The following LRRC9 variants were observed in gnomAD, a reference collection of about 807,000 sequenced individuals.
LRRC9 encodes the protein leucine rich repeat containing 9, also known as leucine-rich repeat-containing protein 9.
LRRC9 carries 122 observed loss-of-function variants against 63.2 expected under a neutral mutation model. That is an observed-to-expected ratio of 1.93 (90% CI 1.67 to 2.24). The LOEUF (loss-of-function observed/expected upper bound fraction) is 2.24, where lower values mean the gene tolerates loss of function less well. LRRC9 is among the 30% of genes most tolerant of loss of function. The probability of loss-of-function intolerance (pLI) is 0.00; values close to 1 mark genes in which losing one functional copy is unlikely to be tolerated. For missense variants in LRRC9, 1,071 were observed against 627.7 expected, an observed-to-expected ratio of 1.71 and a Z score of -7.55; for synonymous variants, 366 against 213.1, an observed-to-expected ratio of 1.72 and a Z score of -6.25.
At chr14:60,000,012 A>ATT (rs1889195951) in intron 19 of LRRC9, among the ~76,000 whole-genome samples, 1 of 152,148 alleles carries the variant, frequency 6.6e-6, no homozygotes, top group African/African-American at 2.4e-5. Context: ...TTGCAGCACT[A>ATT]TTCACAATAG....
rs1401776917 is a variant in LRRC9 at position 59,985,205 on chromosome 14, T to A, written c.2192T>A (p.Leu731Ter). The change falls in exon 17 of 32, where the codon TTA (leucine) becomes TAA (stop). Residue 731 changes from leucine (L) to a stop codon, truncating the protein, a stop_gained. Transcript: ENST00000445360. LOFTEE classifies it high-confidence loss of function. ...ATTAGCTTTAATGAATTTACCTGTTTAGATGATGTATACCACTTGGTAAGA... is the reference window on the plus strand; with the variant it reads ...ATTAGCTTTAATGAATTTACCTGTTAAGATGATGTATACCACTTGGTAAGA... The A allele has an allele frequency of 1.5e-6, 1 of 682,414 alleles. No homozygotes were observed. Among genetic ancestry groups the A allele is most frequent in the Admixed American group, 2.1e-5 (1 of 47,808 alleles). 42.3% of individuals were successfully genotyped at this position (682,414 alleles called of 1,614,324 possible).
rs1456838454 is a variant in LRRC9, at chr14:59,964,027, A to T, written c.1212-2562A>T. ...TAGTCATTGATATATATCATTGTGA[A>T]TGTTTATACCTTCAAGTACCACTGA... On this transcript the variant is annotated intron_variant, in intron 10 of 31. Coordinates refer to ENST00000445360, the Ensembl canonical transcript of LRRC9. This position sits in a 1 kb window ranked among gnomAD's most constrained non-coding sequence, Gnocchi z 4.4. Among the ~76,000 whole-genome samples, 2 of 152,192 alleles carry T rather than the reference A, an allele frequency of 1.3e-5. No homozygotes were observed. Among genetic ancestry groups the T allele is most frequent in the African/African-American group, 4.8e-5 (2 of 41,460 alleles).
At chr14:59,985,309 G>A (rs1486742842) in intron 17 of LRRC9, 85 bp downstream of exon 17, 1 of 507,286 alleles carries the variant, frequency 2.0e-6, no homozygotes, top group Non-Finnish European at 3.5e-6. Context: ...AAGGGCTAGG[G>A]GAAATGGGGA....
chr14:59,947,456 T>C (rs1380309337), intron 8 of LRRC9, among the ~76,000 whole-genome samples: 1 of 124,466 alleles, frequency 8.0e-6, no homozygotes, highest in Non-Finnish European at 1.7e-5. Context: ...ATGTTGTAGG[T>C]TGCCTGTTCA....
At chr14:59,975,269 G>A (rs867143016) in intron 13 of LRRC9, among the ~76,000 whole-genome samples, 30 of 149,100 alleles carry the variant, frequency 2.0e-4, no homozygotes, top group Middle Eastern at 3.5e-3. Context: ...AAAGTACTCC[G>A]GAAGATAGGC....
At chr14:59,982,746 T>A (rs906763834) in intron 16 of LRRC9, among the ~76,000 whole-genome samples, 1 of 152,170 alleles carries the variant, frequency 6.6e-6, no homozygotes, top group Non-Finnish European at 1.5e-5. Flanking sequence ...GGTAATTTCA[T>A]CCTAACTCTT....
intron 29 of LRRC9, among the ~76,000 whole-genome samples, chr14:60,036,986 A>G (rs1225661532): frequency 1.3e-5 from 2 of 151,956 alleles, no homozygotes; most frequent in East Asian, 1.9e-4. Flanking sequence ...TCATTGCTCA[A>G]TTCCCACCTA....
chr14:59,971,425 T>C (rs1446656483), intron 12 of LRRC9, among the ~76,000 whole-genome samples: 2 of 152,178 alleles, frequency 1.3e-5, no homozygotes, highest in Non-Finnish European at 2.9e-5. Context: ...TCTCTTTTGG[T>C]TCCATTTGAG....
intron 13 of LRRC9, among the ~76,000 whole-genome samples, chr14:59,975,880 T>A (rs898169216): frequency 6.6e-6 from 1 of 152,176 alleles, no homozygotes; most frequent in Non-Finnish European, 1.5e-5. Context: ...CTGGTTGCAG[T>A]TTGTGGCCTG....
intron 28 of LRRC9, among the ~76,000 whole-genome samples, chr14:60,030,130 G>C (rs1463873925): frequency 1.3e-5 from 2 of 152,046 alleles, no homozygotes; most frequent in Non-Finnish European, 2.9e-5. Flanking sequence ...TTTCAACAAA[G>C]GGACAATCAG....
intron 6 of LRRC9, among the ~76,000 whole-genome samples, chr14:59,934,680 G>A (rs1889987330): frequency 6.6e-6 from 1 of 152,106 alleles, no homozygotes; most frequent in South Asian, 2.1e-4. Context: ...GTGCACACAT[G>A]TGTATCTTTC....
chr14:59,969,991 T>C (rs1245312319), intron 12 of LRRC9, among the ~76,000 whole-genome samples: 1 of 152,120 alleles, frequency 6.6e-6, no homozygotes, highest in Non-Finnish European at 1.5e-5. Flanking sequence ...AAGTTCAGGG[T>C]TACATGTGTA....
intron 22 of LRRC9, 54 bp downstream of exon 22, chr14:60,006,671 A>G: frequency 1.8e-6 from 1 of 554,338 alleles, no homozygotes; most frequent in Non-Finnish European, 3.2e-6. Flanking sequence ...GTTTCTTTAT[A>G]TTATGAAAGT....
chr14:59,967,549 C>A (rs1884986797), intron 12 of LRRC9, among the ~76,000 whole-genome samples: 2 of 152,166 alleles, frequency 1.3e-5, no homozygotes, highest in African/African-American at 2.4e-5. Context: ...CACCTTGAAG[C>A]AATTCAGTCA....
At chr14:59,968,641 G>A (rs1001183065) in intron 12 of LRRC9, among the ~76,000 whole-genome samples, 5 of 152,194 alleles carry the variant, frequency 3.3e-5, no homozygotes, top group Non-Finnish European at 7.4e-5. Context: ...GAAGTAAGAA[G>A]GAGGTGAGGA....
At chr14:60,037,563 T>G (rs946409276) in intron 29 of LRRC9, among the ~76,000 whole-genome samples, 1 of 152,260 alleles carries the variant, frequency 6.6e-6, no homozygotes, top group Non-Finnish European at 1.5e-5. Context: ...ATAAATGTCT[T>G]CTTTTGAGAA....
Position 60,008,224 on chromosome 14 carries a change from T to C in LRRC9, c.3186+10T>C. 5.7e-6 allele frequency: 4 copies of C among 696,648 alleles called. No homozygotes were observed. The highest frequency in any genetic ancestry group is 1.0e-5 in the Non-Finnish European group (4 of 382,122). 43.2% of individuals were successfully genotyped at this position (696,648 alleles called of 1,614,324 possible). A position where few individuals can be genotyped will look rare whatever the true frequency, so the allele number is the denominator to read the frequency against. On this transcript the variant is annotated intron_variant, in intron 23 of 31. Coordinates refer to ENST00000445360, the Ensembl canonical transcript of LRRC9. ...GGATGGGATACCAATTGTAAGTTGATTTATGACTCACAACATTTGGTCTAA... is the reference window on the plus strand; with the variant it reads ...GGATGGGATACCAATTGTAAGTTGACTTATGACTCACAACATTTGGTCTAA...
chr14:59,966,696 G>A lies in LRRC9; in HGVS notation c.1319G>A (p.Arg440His), dbSNP rs148639569. 1.7e-4 allele frequency: 119 copies of A among 694,390 alleles called. No homozygotes were observed. The highest frequency in any genetic ancestry group is 5.5e-5 in the Non-Finnish European group (21 of 380,848). The allele number at this position is 694,390 out of a possible 1,614,324, so 43.0% of individuals were successfully genotyped here. The change falls in exon 11 of 32, where the codon CGT becomes CAT. Residue 440 changes from arginine to histidine, a missense_variant. Arg to His is a conservative substitution (Grantham distance 29). Coordinates refer to ENST00000445360, the Ensembl canonical transcript of LRRC9. The surrounding 1 kb of genome is among the most constrained non-coding windows in gnomAD (Gnocchi z 4.0). ...AAACGCATCATTAAAGTTAACAACC[G>A]TATTCTGAGACTAAAATTCGAAGAG...
chr14:59,939,359 T>G (rs1405384343), intron 7 of LRRC9, among the ~76,000 whole-genome samples: 2 of 151,990 alleles, frequency 1.3e-5, no homozygotes, highest in Non-Finnish European at 2.9e-5. Flanking sequence ...GACTGTAGAC[T>G]GTTGTAAGGA....
Sources: allele counts gnomAD v4.1 joint callset (sites outside exome capture counted in the v4.1 genomes callset), GRCh38; gene constraint gnomAD v4.1.1; non-coding constraint Gnocchi (gnomAD v3.1); transcripts MANE v1.5; gene names NCBI Gene and HGNC (gene_info 2026-07-23, HGNC 2026-07-21).